PARD3B: variants seen among roughly 807,000 people sequenced by gnomAD.
The protein encoded by PARD3B is partitioning defective 3 homolog B.
A neutral mutation model predicts 130.2 loss-of-function variants in PARD3B; 103 were observed. That is an observed-to-expected ratio of 0.79 (90% CI 0.67 to 0.93). The LOEUF (loss-of-function observed/expected upper bound fraction) is 0.93. Ranked by LOEUF, PARD3B falls within the 40% of genes least tolerant of loss-of-function variation. The pLI, the probability that PARD3B is intolerant of heterozygous loss-of-function variation, is 0.00. For synonymous variants in PARD3B, 583 were observed against 553.2 expected (o/e 1.05, Z -0.76); for missense variants, 1,609 against 1,499.2 (o/e 1.07, Z -1.21).
chr2:205,392,525 T>A (rs2045894543), intron 18 of PARD3B, among the ~76,000 whole-genome samples: 1 of 152,188 alleles, frequency 6.6e-6, no homozygotes, highest in Non-Finnish European at 1.5e-5. Context: ...AGGATAAATG[T>A]CTAAATAACA....
rs890821590 is a variant in PARD3B, at chr2:205,119,137, G to A, written c.806+91G>A. ...CTCATTATGATCAAAATAGTAGGTA[G>A]AATTTCTAGTCAGTTCCCTTTGAAC... On this transcript the variant is annotated intron_variant, in intron 7 of 22. Coordinates refer to ENST00000406610, the MANE Select transcript of PARD3B (RefSeq NM_001302769.2). 3 of 1,428,952 alleles carry A rather than the reference G, an allele frequency of 2.1e-6. No individual in the cohort carries two copies. In the African/African-American group the frequency reaches 4.4e-5, roughly 21 times the overall value. 88.5% of individuals were successfully genotyped at this position (1,428,952 alleles called of 1,614,324 possible).
chr2:205,088,960 A>C (rs1420394112), intron 4 of PARD3B, among the ~76,000 whole-genome samples: 1 of 151,136 alleles, frequency 6.6e-6, no homozygotes, highest in Non-Finnish European at 1.5e-5. Flanking sequence ...CACCACACCC[A>C]GCTAATTTGT....
intron 1 of PARD3B, among the ~76,000 whole-genome samples, chr2:204,625,860 A>G (rs910555214): frequency 9.9e-5 from 15 of 152,168 alleles, no homozygotes; most frequent in Non-Finnish European, 2.2e-4. Flanking sequence ...TCACAGCTGT[A>G]TTACCATCCT....
chr2:204,883,443 A>AT (rs2046142546), intron 2 of PARD3B, among the ~76,000 whole-genome samples: 1 of 100,804 alleles, frequency 9.9e-6, no homozygotes, highest in Non-Finnish European at 1.9e-5. Context: ...AAATATATAT[A>AT]TATATATATA....
At chr2:205,202,248 T>G (rs969504513) in intron 15 of PARD3B, among the ~76,000 whole-genome samples, 5 of 152,216 alleles carry the variant, frequency 3.3e-5, no homozygotes, top group Non-Finnish European at 7.3e-5. Flanking sequence ...ATATTTCAGA[T>G]GTAGCGGAAT....
chr2:205,360,913 T>C (rs1877338), intron 18 of PARD3B, among the ~76,000 whole-genome samples: 90,508 of 152,034 alleles, frequency 0.6, 30,450 homozygotes, highest in South Asian at 0.77. Context: ...TTGGTGTCTT[T>C]ATTTTTTTTT....
At chr2:205,114,274 A>G (rs768503978) in intron 6 of PARD3B, among the ~76,000 whole-genome samples, 1 of 152,126 alleles carries the variant, frequency 6.6e-6, no homozygotes, top group Non-Finnish European at 1.5e-5. Context: ...TGTGTGCCAC[A>G]GAGTTCATAT....
intron 3 of PARD3B, among the ~76,000 whole-genome samples, chr2:204,974,230 A>G (rs1691947727): frequency 1.3e-5 from 2 of 152,168 alleles, no homozygotes; most frequent in Admixed American, 6.5e-5. Context: ...ATTAGAGGAA[A>G]GGAAATTATG....
chr2:205,033,711 T>G (rs921277002), intron 3 of PARD3B, among the ~76,000 whole-genome samples: 2 of 152,214 alleles, frequency 1.3e-5, no homozygotes, highest in African/African-American at 4.8e-5. Context: ...ATTCAGCTCA[T>G]CCACAGAATC....
At chr2:205,412,919 A>G (rs2046649941) in intron 19 of PARD3B, among the ~76,000 whole-genome samples, 1 of 152,208 alleles carries the variant, frequency 6.6e-6, no homozygotes, top group African/African-American at 2.4e-5. Context: ...TACCTACAAA[A>G]TGGGTATATA....
At chr2:205,024,573 A>C (rs1045870795) in intron 3 of PARD3B, among the ~76,000 whole-genome samples, 9 of 152,150 alleles carry the variant, frequency 5.9e-5, no homozygotes, top group African/African-American at 2.2e-4. Context: ...TTATGTGGAC[A>C]TTTGTCCAGA....
chr2:204,882,264 T>G (rs2125671581), intron 2 of PARD3B, among the ~76,000 whole-genome samples: 1 of 152,310 alleles, frequency 6.6e-6, no homozygotes, highest in East Asian at 1.9e-4. Context: ...TGAGAAACCT[T>G]TGTTGCTGGG....
At chr2:205,057,339 A>G (rs1699713786) in intron 4 of PARD3B, among the ~76,000 whole-genome samples, 1 of 89,974 alleles carries the variant, frequency 1.1e-5, no homozygotes, top group African/African-American at 3.4e-5. Flanking sequence ...TATATGTGTT[A>G]TATACATATA....
chr2:204,863,997 A>G (rs979254709), intron 2 of PARD3B, among the ~76,000 whole-genome samples: 1 of 152,190 alleles, frequency 6.6e-6, no homozygotes, highest in East Asian at 1.9e-4. Flanking sequence ...TATCACTTTC[A>G]TTTAAGCTGT....
chr2:205,424,434 G>A (rs2047075127), intron 19 of PARD3B, among the ~76,000 whole-genome samples: 1 of 152,102 alleles, frequency 6.6e-6, no homozygotes, highest in Non-Finnish European at 1.5e-5. Flanking sequence ...AGTGTCCAGG[G>A]CCTTGGGAAG....
At chr2:204,558,965 G>A (rs1439724673) in intron 1 of PARD3B, among the ~76,000 whole-genome samples, 8 of 152,188 alleles carry the variant, frequency 5.3e-5, no homozygotes, top group African/African-American at 1.9e-4. Context: ...TTAATAAATG[G>A]TGCTGGGAAA....
intron 2 of PARD3B, among the ~76,000 whole-genome samples, chr2:204,753,200 T>G (rs1032094056): frequency 6.6e-6 from 1 of 152,188 alleles, no homozygotes; most frequent in African/African-American, 2.4e-5. Flanking sequence ...ATTTTAGGTC[T>G]TTCTGAAAAT....
intron 2 of PARD3B, among the ~76,000 whole-genome samples, chr2:204,728,079 A>G (rs2039318621): frequency 6.6e-6 from 1 of 152,176 alleles, no homozygotes. Context: ...GGGAGGATGC[A>G]TATTAAATTG....
chr2:204,601,238 A>G (rs558536763), intron 1 of PARD3B, among the ~76,000 whole-genome samples: 82 of 152,074 alleles, frequency 5.4e-4, no homozygotes, highest in Admixed American at 1.3e-3. Context: ...TGGAGAGGTT[A>G]ATATGGTCAG....
Sources: gnomAD v4.1 joint callset for allele counts (sites outside exome capture counted in the v4.1 genomes callset) on GRCh38, gnomAD v4.1.1 for gene constraint, MANE v1.5 for transcripts, NCBI Gene and HGNC (gene_info 2026-07-23, HGNC 2026-07-21) for gene names.